The following NBAS variants were observed in gnomAD, a reference collection of about 807,000 sequenced individuals.
NBAS encodes the protein NAG/BC035112 fusion.
A neutral mutation model predicts 302.5 loss-of-function variants in NBAS; 219 were observed. The ratio of observed to expected loss-of-function variants is 0.72; its 90% CI spans 0.65 to 0.81. The LOEUF (loss-of-function observed/expected upper bound fraction) is 0.81, where lower values mean the gene tolerates loss of function less well. Ranked by LOEUF, NBAS falls within the 30% of genes least tolerant of loss-of-function variation. NBAS has a pLI of 0.00. For missense variants in NBAS, 2,932 were observed against 2,841.6 expected, an observed-to-expected ratio of 1.03 and a Z score of -0.72; for synonymous variants, 1,118 against 1,021.6, an observed-to-expected ratio of 1.09 and a Z score of -1.80.
the NBAS span, among the ~76,000 whole-genome samples, chr2:14,834,539 G>T: frequency 2.6e-5 from 4 of 152,138 alleles, no homozygotes; most frequent in African/African-American, 4.8e-5. Context: ...GAGGCTCATA[G>T]CAGATTGTTA....
At chr2:15,473,865 T>G in intron 15 of NBAS, among the ~76,000 whole-genome samples, 1 of 152,192 alleles carries the variant, frequency 6.6e-6, no homozygotes, top group Non-Finnish European at 1.5e-5. Context: ...TGAATTCAAT[T>G]TTTATCCATG....
At chr2:14,937,733 C>T in the NBAS span, among the ~76,000 whole-genome samples, 24 of 152,176 alleles carry the variant, frequency 1.6e-4, no homozygotes, top group Middle Eastern at 3.4e-3. Context: ...AAGGGGGCTC[C>T]GAGGCTTCTT....
the NBAS span, among the ~76,000 whole-genome samples, chr2:14,838,351 C>T: frequency 1.3e-5 from 2 of 151,892 alleles, no homozygotes; most frequent in African/African-American, 2.4e-5. Context: ...TCATTAATTA[C>T]ATTTTTCAAT....
the NBAS span, among the ~76,000 whole-genome samples, chr2:15,158,175 C>T: frequency 1.3e-5 from 2 of 152,162 alleles, no homozygotes; most frequent in Non-Finnish European, 2.9e-5. Flanking sequence ...CAGCAATTAC[C>T]CTTTTCTGAT....
the NBAS span, among the ~76,000 whole-genome samples, chr2:14,880,934 CAA>C: frequency 2.1e-5 from 3 of 140,598 alleles, no homozygotes; most frequent in Admixed American, 7.3e-5. Context: ...TCCAGGATAG[CAA>C]AAAAAAAAAA....
At chr2:15,371,776 G>C (rs1472013101) in intron 31 of NBAS, among the ~76,000 whole-genome samples, 5 of 152,136 alleles carry the variant, frequency 3.3e-5, no homozygotes, top group Non-Finnish European at 2.9e-5. Flanking sequence ...AAGCAAAGGG[G>C]GGATGGAAAG....
At chr2:14,983,972 A>G in the NBAS span, among the ~76,000 whole-genome samples, 1 of 152,130 alleles carries the variant, frequency 6.6e-6, no homozygotes, top group Non-Finnish European at 1.5e-5. Flanking sequence ...TTGCCCACGT[A>G]TGTGGGGCTT....
chr2:15,331,107 C>T (rs1228864601), intron 35 of NBAS, among the ~76,000 whole-genome samples: 1 of 152,046 alleles, frequency 6.6e-6, no homozygotes, highest in Non-Finnish European at 1.5e-5. Context: ...ATATTTGTTT[C>T]CTTGACAATA....
At chr2:15,354,716 A>G (rs954555524) in intron 33 of NBAS, among the ~76,000 whole-genome samples, 7 of 152,352 alleles carry the variant, frequency 4.6e-5, no homozygotes, top group Admixed American at 4.6e-4. Flanking sequence ...AAGTTAAATC[A>G]GACAACCCTG....
chr2:15,041,726 T>C, the NBAS span, among the ~76,000 whole-genome samples: 125,326 of 152,298 alleles, frequency 0.82, 51,924 homozygotes, highest in East Asian at 0.99. Flanking sequence ...TCCGCCACTC[T>C]ACCCGGCAGC....
chr2:15,361,173 A>C (rs1222322803), intron 32 of NBAS, among the ~76,000 whole-genome samples: 1 of 152,172 alleles, frequency 6.6e-6, no homozygotes. Flanking sequence ...GTTGACCAAA[A>C]TTTCATGTAC....
the NBAS span, among the ~76,000 whole-genome samples, chr2:15,009,693 C>CATATATATATATAT: frequency 0.036 from 4,523 of 126,062 alleles, 141 homozygotes; most frequent in Non-Finnish European, 0.053. Flanking sequence ...TGTAGGAATG[C>CATATATATATATAT]ATATATATAT....
chr2:14,942,491 G>T, the NBAS span, among the ~76,000 whole-genome samples: 1 of 152,108 alleles, frequency 6.6e-6, no homozygotes, highest in Non-Finnish European at 1.5e-5. Context: ...CACTGTGATT[G>T]TAAGTTTCCT....
At chr2:14,884,681 C>A in the NBAS span, among the ~76,000 whole-genome samples, 1 of 152,162 alleles carries the variant, frequency 6.6e-6, no homozygotes, top group Non-Finnish European at 1.5e-5. Context: ...TGCTCTCCAT[C>A]AGGGAGCTGA....
chr2:15,469,850 G>T (rs1280302868), intron 16 of NBAS, among the ~76,000 whole-genome samples: 2 of 111,530 alleles, frequency 1.8e-5, no homozygotes, highest in Non-Finnish European at 1.8e-5. Flanking sequence ...GGTGGGGGGA[G>T]GGGGGAGGGA....
At chr2:14,800,785 G>GTTTTTTTTTTTTTTTTT in the NBAS span, among the ~76,000 whole-genome samples, 7 of 129,526 alleles carry the variant, frequency 5.4e-5, 1 homozygote, top group Non-Finnish European at 4.8e-5. Context: ...GATTTAAATT[G>GTTTTTTTTTTTTTTTTT]TTTTTGTTTT....
chr2:15,022,233 C>T, the NBAS span, among the ~76,000 whole-genome samples: 3 of 152,094 alleles, frequency 2.0e-5, no homozygotes, highest in African/African-American at 7.2e-5. Flanking sequence ...TATGAGGATT[C>T]GATGAACTAA....
At chr2:15,377,726 C>G (rs1407325833) in intron 30 of NBAS, among the ~76,000 whole-genome samples, 1 of 152,174 alleles carries the variant, frequency 6.6e-6, no homozygotes, top group Non-Finnish European at 1.5e-5. Flanking sequence ...CTAGCACAAC[C>G]ACTCAACACA....
chr2:15,195,442 T>C (rs1665572901), intron 48 of NBAS, among the ~76,000 whole-genome samples: 3 of 152,172 alleles, frequency 2.0e-5, no homozygotes, highest in South Asian at 2.1e-4. Flanking sequence ...GAAAGATTAA[T>C]GGTTGTCAGG....
Sources: allele counts gnomAD v4.1 joint callset (sites outside exome capture counted in the v4.1 genomes callset), GRCh38; gene constraint gnomAD v4.1.1; transcripts MANE v1.5; gene names NCBI Gene and HGNC (gene_info 2026-07-23, HGNC 2026-07-21).